COL18A1: variants seen among roughly 807,000 people sequenced by gnomAD.
COL18A1 encodes collagen alpha-1(XVIII) chain.
COL18A1 carries 133 observed loss-of-function variants against 168.0 expected under a neutral mutation model. That is an observed-to-expected ratio of 0.79 (90% CI 0.69 to 0.91). The LOEUF (loss-of-function observed/expected upper bound fraction) is 0.91. COL18A1 is among the 40% of genes least tolerant of loss of function. The probability of loss-of-function intolerance (pLI) is 0.00; values close to 1 mark genes in which losing one functional copy is unlikely to be tolerated. For missense variants in COL18A1, 2,126 were observed against 1,925.4 expected, an observed-to-expected ratio of 1.10 and a Z score of -1.95; for synonymous variants, 949 against 809.0, an observed-to-expected ratio of 1.17 and a Z score of -2.94.
In COL18A1 at chr21:45,457,733, G is replaced by T. The variant is rs7278033; in HGVS notation, c.107-10509G>T. On this transcript the variant is annotated intron_variant, in intron 2 of 41. Transcript: ENST00000651438. The surrounding 1 kb of genome is among the most constrained non-coding windows in gnomAD (Gnocchi z 4.6). Reference sequence around the variant, plus strand: ...GCCTTGGCCCAGAGGCCCTATCCCCGCAGGGTGAGGTGCTCTGTCCTCCTC... The same window carrying T: ...GCCTTGGCCCAGAGGCCCTATCCCCTCAGGGTGAGGTGCTCTGTCCTCCTC... Among the ~76,000 whole-genome samples, 28 of 152,280 alleles carry T rather than the reference G, an allele frequency of 1.8e-4. No individual in the cohort carries two copies. The East Asian group carries it at 3.9e-3, about 21-fold the overall frequency.
In COL18A1 at chr21:45,497,464, C is replaced by CCTGA. The variant is rs1291734037; in HGVS notation, c.2621-131_2621-128dup. ...GCCCCTGCTCTCCAGCAGCTCCTAC[C>CCTGA]CTGACTGTCCCCATGTCCATCTGAT... On this transcript the variant is annotated intron_variant, in intron 31 of 41. Transcript: ENST00000651438. 10 of 1,250,418 alleles carry CCTGA rather than the reference C, an allele frequency of 8.0e-6. No homozygotes were observed. In the African/African-American group the frequency reaches 1.3e-4, roughly 17 times the overall value. The allele number at this position is 1,250,418 out of a possible 1,614,324, so 77.5% of individuals were successfully genotyped here. A position where few individuals can be genotyped will look rare whatever the true frequency, so the allele number is the denominator to read the frequency against.
intron 2 of COL18A1, chr21:45,410,134 A>T (rs1569272720): frequency 6.6e-6 from 1 of 152,092 alleles, no homozygotes; most frequent in East Asian, 1.9e-4. Flanking sequence ...AGGCCCCGGC[A>T]CGGCCTTTCT....
At chr21:45,444,144 C>A (rs1214489488) in intron 2 of COL18A1, among the ~76,000 whole-genome samples, 1 of 152,232 alleles carries the variant, frequency 6.6e-6, no homozygotes, top group Non-Finnish European at 1.5e-5. Context: ...GTCCTCTACC[C>A]TTTCCCATGT....
rs373106775 is a variant in COL18A1 at position 45,480,520 on chromosome 21, G to T, written c.1452G>T (p.Arg484=). The change falls in exon 12 of 42, where the codon CGG becomes CGT. Residue 484 remains arginine (R), a splice_region_variant and synonymous_variant. Coordinates refer to ENST00000651438, the MANE Select transcript of COL18A1 (RefSeq NM_001379500.1). ...TCGGGGGCGATCTGGAGGCCCTGCG[G>T]GTGAGTGGCCCTTAAACTGCAGCGC... ...SGFGGDLEAL[R]GPRGFPGPPG... The T allele has an allele frequency of 4.2e-5, 67 of 1,614,140 alleles. No homozygotes were observed. The Admixed American group carries it at 8.8e-4, about 21-fold the overall frequency.
chr21:45,480,027 G>T, intron 10 of COL18A1, 43 bp from the exon 11 acceptor site: 2 of 1,611,494 alleles, frequency 1.2e-6, no homozygotes, highest in South Asian at 1.1e-5. Flanking sequence ...GGTGGGGGCT[G>T]TGTGCGTGCC....
At position 45,476,397 on chromosome 21, in the gene COL18A1, C is replaced by T. The variant is rs774455419; in HGVS notation, c.845C>T (p.Thr282Met). Residue 282 changes from threonine (T) to methionine (M), a missense_variant, in exon 6 of 42, where the codon ACG (threonine) becomes ATG (methionine). By Grantham distance (81) the Thr-to-Met change is moderately conservative. Coordinates refer to ENST00000651438, the MANE Select transcript of COL18A1 (RefSeq NM_001379500.1). ...CTCCCCGCGCCACCCCCCGTCACCA[C>T]GCCACCCTTGGCTGGAGGCAGCAGC... is the stretch of plus-strand genomic sequence containing the variant. Reference protein sequence around the residue: ...PRLPAPPPVTTPPLAGGSSTE... With the variant: ...PRLPAPPPVTMPPLAGGSSTE... 8.1e-6 allele frequency: 13 copies of T among 1,614,070 alleles called. No individual in the cohort carries two copies. Among genetic ancestry groups the T allele is most frequent in the Admixed American group, 1.7e-5 (1 of 59,996 alleles).
At position 45,509,385 on chromosome 21, in the gene COL18A1, C is replaced by T. The variant is rs529776494; in HGVS notation, c.3279C>T (p.Pro1093=). The change falls in exon 39 of 42, where the codon CCC becomes CCT. Residue 1093 remains proline (P), a synonymous_variant. Coordinates refer to ENST00000651438, the MANE Select transcript of COL18A1 (RefSeq NM_001379500.1). ...TDNEVAALQP[P]VVQLHDSNPY... is the part of the protein sequence containing the mutation. Reference sequence around the variant, plus strand: ...ATGAAGTGGCCGCCTTGCAGCCCCCCGTGGTGCAGCTGCACGACAGCAACC... The same window carrying T: ...ATGAAGTGGCCGCCTTGCAGCCCCCTGTGGTGCAGCTGCACGACAGCAACC... 1.7e-5 allele frequency: 26 copies of T among 1,542,176 alleles called. No individual in the cohort carries two copies. The highest frequency in any genetic ancestry group is 5.8e-5 in the Admixed American group (3 of 52,022).
At chr21:45,501,170 T>C (rs924093993) in intron 32 of COL18A1, among the ~76,000 whole-genome samples, 1 of 151,862 alleles carries the variant, frequency 6.6e-6, no homozygotes, top group Admixed American at 6.6e-5. Context: ...AAATAAATGT[T>C]CATTGAGACA....
chr21:45,504,006 T>A lies in COL18A1; in HGVS notation c.2684-5T>A. ...AGCGAGACCCCGCCTGTCTCTCTCT[T>A]GCAGGGCAGTTTCCGTTTGACTTTC... is the stretch of plus-strand genomic sequence containing the variant. On this transcript the variant is annotated splice_polypyrimidine_tract_variant and splice_region_variant and intron_variant, in intron 32 of 41. Coordinates refer to ENST00000651438, the MANE Select transcript of COL18A1 (RefSeq NM_001379500.1). 4.3e-6 allele frequency: 7 copies of A among 1,613,596 alleles called. No individual in the cohort carries two copies. The highest frequency in any genetic ancestry group is 5.9e-6 in the Non-Finnish European group (7 of 1,179,966).
intron 37 of COL18A1, 33 bp downstream of exon 37, chr21:45,505,999 T>A: frequency 1.9e-6 from 3 of 1,612,426 alleles, no homozygotes; most frequent in Non-Finnish European, 2.5e-6. Flanking sequence ...TCTGGACCCG[T>A]GGAAGGGCCG....
At chr21:45,504,265 G>A (rs997044013) in intron 33 of COL18A1, 151 bp from the exon 34 acceptor site, 7 of 878,552 alleles carry the variant, frequency 8.0e-6, no homozygotes, top group Admixed American at 2.3e-5. Flanking sequence ...AGTGGGAGGT[G>A]GGGAGTCGAG....
rs2035425647 is a variant in COL18A1, at chr21:45,471,451, G to A, written c.652-2444G>A. Among the ~76,000 whole-genome samples, 1 of 152,198 alleles carries A rather than the reference G, an allele frequency of 6.6e-6. No individual in the cohort carries two copies. Among genetic ancestry groups the A allele is most frequent in the Non-Finnish European group, 1.5e-5 (1 of 68,034 alleles). ...CAGAAACAAGCACAGAGCTTTGGGA[G>A]CAGGGAGGAAACCGAGGCTTCCTCC... On this transcript the variant is annotated intron_variant, in intron 3 of 41. Transcript: ENST00000651438. This position sits in a 1 kb window ranked among gnomAD's most constrained non-coding sequence, Gnocchi z 4.4.
At chr21:45,432,924 G>A (rs977291440) in intron 2 of COL18A1, among the ~76,000 whole-genome samples, 11 of 152,220 alleles carry the variant, frequency 7.2e-5, no homozygotes, top group Admixed American at 6.5e-4. Context: ...AACCCCTCCG[G>A]CAGAGTTATG....
chr21:45,502,659 C>T (rs998929570), intron 32 of COL18A1: 1 of 152,174 alleles, frequency 6.6e-6, no homozygotes, highest in East Asian at 1.9e-4. Flanking sequence ...CAGCAACAAG[C>T]AGGGATTTCA....
chr21:45,499,699 A>AGTG (rs1026018351), intron 32 of COL18A1, among the ~76,000 whole-genome samples: 63 of 152,254 alleles, frequency 4.1e-4, no homozygotes, highest in African/African-American at 1.5e-3. Context: ...CGCCCTGGGG[A>AGTG]GTGGTGGTAG....
intron 23 of COL18A1, 27 bp from the exon 24 acceptor site, chr21:45,492,660 C>A: frequency 6.2e-7 from 1 of 1,611,586 alleles, no homozygotes; most frequent in Non-Finnish European, 8.5e-7. Flanking sequence ...GTGATGACCC[C>A]AGCTGACGCC....
intron 2 of COL18A1, among the ~76,000 whole-genome samples, chr21:45,449,511 G>A (rs549202789): frequency 2.1e-3 from 321 of 152,266 alleles, no homozygotes; most frequent in African/African-American, 7.3e-3. Context: ...AAGCCTCGTC[G>A]TGGAATCGGG....
At position 45,511,164 on chromosome 21, in the gene COL18A1, G is replaced by A. The variant is rs760334785; in HGVS notation, c.3747G>A (p.Pro1249=). The A allele has an allele frequency of 1.2e-5, 20 of 1,600,788 alleles. No individual in the cohort carries two copies. The highest frequency in any genetic ancestry group is 1.6e-4 in the Middle Eastern group (1 of 6,064). ...WEALFSGSEG[P]LKPGARIFSF... ...CTCTGTTCTCAGGCTCTGAGGGTCCGCTGAAGCCCGGGGCACGCATCTTCT... is the reference window on the plus strand; with the variant it reads ...CTCTGTTCTCAGGCTCTGAGGGTCCACTGAAGCCCGGGGCACGCATCTTCT... Residue 1249 remains proline, a synonymous_variant, in exon 41 of 42, where the codon CCG becomes CCA. Coordinates refer to ENST00000651438, the MANE Select transcript of COL18A1 (RefSeq NM_001379500.1).
intron 31 of COL18A1, 23 bp downstream of exon 31, chr21:45,497,115 T>C (rs2146012390): frequency 6.6e-7 from 1 of 1,506,524 alleles, no homozygotes; most frequent in Non-Finnish European, 9.2e-7. Context: ...GGCTCACAGC[T>C]GGGGACACAG....
Sources: gnomAD v4.1 joint callset for allele counts (sites outside exome capture counted in the v4.1 genomes callset) on GRCh38, gnomAD v4.1.1 for gene constraint, Gnocchi (gnomAD v3.1) non-coding constraint, MANE v1.5 for transcripts, NCBI Gene and HGNC (gene_info 2026-07-23, HGNC 2026-07-21) for gene names.